The following WLS variants were observed in gnomAD, a reference collection of about 807,000 sequenced individuals.
WLS encodes the protein Wnt ligand secretion mediator, also known as protein wntless homolog.
WLS carries 23 observed loss-of-function variants against 62.8 expected under a neutral mutation model. The ratio of observed to expected loss-of-function variants is 0.37; its 90% CI spans 0.26 to 0.52. The LOEUF (loss-of-function observed/expected upper bound fraction) is 0.52, where lower values mean the gene tolerates loss of function less well. WLS is among the 20% of genes least tolerant of loss of function. WLS has a pLI of 0.92. For synonymous variants in WLS, 246 were observed against 244.1 expected (o/e 1.01, Z -0.07); for missense variants, 615 against 697.3 (o/e 0.88, Z 1.33).
chr1:68,106,862 AC>A (rs1373338707), intron 11 of WLS, among the ~76,000 whole-genome samples: 1 of 151,942 alleles, frequency 6.6e-6, no homozygotes, highest in Non-Finnish European at 1.5e-5. Context: ...GCAAATATGG[AC>A]CCCATTATAA....
intron 2 of WLS, 140 bp from the exon 3 acceptor site, chr1:68,159,387 G>T (rs1646942382): frequency 1.8e-6 from 2 of 1,115,118 alleles, no homozygotes; most frequent in Non-Finnish European, 2.5e-6. Flanking sequence ...CTCCAAACCT[G>T]AAGACTTAGA....
chr1:68,167,939 A>G (rs1262875383), intron 2 of WLS, among the ~76,000 whole-genome samples: 4 of 150,994 alleles, frequency 2.6e-5, no homozygotes, highest in African/African-American at 9.9e-5. Context: ...AGAAAGATCC[A>G]TGCCTTTCCA....
At chr1:68,152,022 T>C (rs1172931395) in intron 5 of WLS, among the ~76,000 whole-genome samples, 1 of 152,090 alleles carries the variant, frequency 6.6e-6, no homozygotes, top group African/African-American at 2.4e-5. Context: ...ATTGGTGAGA[T>C]TTCCTGGTGA....
At chr1:68,163,097 T>C (rs114982534) in intron 2 of WLS, 1 of 1,550,540 alleles carries the variant, frequency 6.4e-7, no homozygotes, top group Non-Finnish European at 8.8e-7. Context: ...CCATACTTTA[T>C]GGAACTTTGC....
At chr1:68,192,186 T>C (rs571908628) in intron 2 of WLS, among the ~76,000 whole-genome samples, 32 of 152,256 alleles carry the variant, frequency 2.1e-4, no homozygotes, top group African/African-American at 7.7e-4. Context: ...GAAAACTGTA[T>C]CTAGAAAATT....
chr1:68,185,123 A>C (rs78767767), intron 2 of WLS, among the ~76,000 whole-genome samples: 1,555 of 152,196 alleles, frequency 0.01, 26 homozygotes, highest in African/African-American at 0.036. Flanking sequence ...CAAAAATTCA[A>C]TTTTGACACC....
At chr1:68,229,509 AGAG>A (rs1205065925) in intron 1 of WLS, among the ~76,000 whole-genome samples, 1 of 152,120 alleles carries the variant, frequency 6.6e-6, no homozygotes, top group Non-Finnish European at 1.5e-5. Context: ...TCGAGAGAGC[AGAG>A]GAGGTTTCTG....
At chr1:68,227,699 T>C (rs1249103375) in intron 1 of WLS, among the ~76,000 whole-genome samples, 1 of 152,068 alleles carries the variant, frequency 6.6e-6, no homozygotes, top group Admixed American at 6.5e-5. Flanking sequence ...AAAAGCAGAA[T>C]TGAATACAGA....
intron 9 of WLS, among the ~76,000 whole-genome samples, chr1:68,145,622 TG>T (rs1342332863): frequency 6.6e-6 from 1 of 152,042 alleles, no homozygotes; most frequent in East Asian, 1.9e-4. Flanking sequence ...AAGAACCGGC[TG>T]AACAAGTTTA....
At chr1:68,149,248 G>A (rs1353322944) in intron 6 of WLS, among the ~76,000 whole-genome samples, 1 of 152,156 alleles carries the variant, frequency 6.6e-6, no homozygotes, top group Non-Finnish European at 1.5e-5. Flanking sequence ...GGGGCCCCAG[G>A]TGGGTCAGTC....
rs1646995607 is a variant in WLS, at chr1:68,162,621, C to T, written c.380-3374G>A. ...CCATGCTCTGAACCCGTGTGCCTTACCGCAGTGCTTGGTACAGCCATGTGT... is the reference window on the plus strand; with the variant it reads ...CCATGCTCTGAACCCGTGTGCCTTATCGCAGTGCTTGGTACAGCCATGTGT... On this transcript the variant is annotated intron_variant, in intron 2 of 11. Transcript: ENST00000262348. 5.4e-6 allele frequency: 7 copies of T among 1,302,878 alleles called. No individual in the cohort carries two copies. In the South Asian group the frequency reaches 8.5e-5, roughly 16 times the overall value. The allele number at this position is 1,302,878 out of a possible 1,614,324, so 80.7% of individuals were successfully genotyped here.
In WLS at chr1:68,148,121, A is replaced by G. The variant is rs1367970199; in HGVS notation, c.1134+15T>C. On this transcript the variant is annotated intron_variant, in intron 8 of 11. Coordinates refer to ENST00000262348, the MANE Select transcript of WLS (RefSeq NM_024911.7). ...GGGGAAGAAATAAAACCCTGAGCCC[A>G]TCAAGGAAGGATACGGCCAGCTCTG... 3 of 1,614,042 alleles carry G rather than the reference A, an allele frequency of 1.9e-6. No homozygotes were observed. The highest frequency in any genetic ancestry group is 2.5e-6 in the Non-Finnish European group (3 of 1,180,000).
intron 1 of WLS, among the ~76,000 whole-genome samples, chr1:68,200,673 C>T (rs1398664660): frequency 1.3e-5 from 2 of 151,560 alleles, no homozygotes; most frequent in East Asian, 3.9e-4. Context: ...GCTCCCAAAA[C>T]TTTTACCTGA....
At chr1:68,122,266 CAA>C (rs2100362745), downstream of WLS, among the ~76,000 whole-genome samples, 1 of 152,304 alleles carries the variant, frequency 6.6e-6, no homozygotes, top group East Asian at 1.9e-4. Flanking sequence ...TTGAACTTCT[CAA>C]AGTTACCTGC....
At chr1:68,208,941 C>T (rs1462109488) in intron 1 of WLS, among the ~76,000 whole-genome samples, 1 of 152,104 alleles carries the variant, frequency 6.6e-6, no homozygotes, top group Non-Finnish European at 1.5e-5. Context: ...GAGAGCTATA[C>T]CTACCAATTT....
intron 2 of WLS, among the ~76,000 whole-genome samples, chr1:68,186,262 T>C (rs1159447479): frequency 6.6e-6 from 1 of 152,206 alleles, no homozygotes; most frequent in African/African-American, 2.4e-5. Context: ...AGCTAAAACC[T>C]GTATCACTTT....
intron 2 of WLS, chr1:68,162,607 A>C (rs1646995084): frequency 7.3e-7 from 1 of 1,367,798 alleles, no homozygotes; most frequent in African/African-American, 1.4e-5. Context: ...CATGCTCTGA[A>C]CCCGTGTGCC....
intron 11 of WLS, among the ~76,000 whole-genome samples, chr1:68,130,098 G>C (rs1330094820): frequency 2.6e-5 from 4 of 152,202 alleles, no homozygotes; most frequent in Non-Finnish European, 5.9e-5. Context: ...GGTTGTAACT[G>C]CCTGGAATGC....
At chr1:68,181,359 A>G (rs1013571881) in intron 2 of WLS, among the ~76,000 whole-genome samples, 1 of 152,180 alleles carries the variant, frequency 6.6e-6, no homozygotes, top group Non-Finnish European at 1.5e-5. Context: ...AGTAATCAGG[A>G]TATACTTGTA....
Sources: allele counts gnomAD v4.1 joint callset (sites outside exome capture counted in the v4.1 genomes callset), GRCh38; gene constraint gnomAD v4.1.1; transcripts MANE v1.5; gene names NCBI Gene and HGNC (gene_info 2026-07-23, HGNC 2026-07-21).